The following AFAP1L1 variants were observed in gnomAD, a reference collection of about 807,000 sequenced individuals.
AFAP1L1 encodes the protein actin filament-associated protein 1-like 1.
A neutral mutation model predicts 99.8 loss-of-function variants in AFAP1L1; 77 were observed. The observed-to-expected ratio is 0.77, with a 90% CI of 0.64 to 0.93. AFAP1L1 has a LOEUF of 0.93. AFAP1L1 is among the 40% of genes least tolerant of loss of function. The probability of loss-of-function intolerance (pLI) is 0.00; values close to 1 mark genes in which losing one functional copy is unlikely to be tolerated. For missense variants in AFAP1L1, 893 were observed against 996.8 expected, an observed-to-expected ratio of 0.90 and a Z score of 1.40; for synonymous variants, 373 against 395.3, an observed-to-expected ratio of 0.94 and a Z score of 0.67.
intron 8 of AFAP1L1, 38 bp downstream of exon 8, chr5:149,310,173 C>A: frequency 6.5e-7 from 1 of 1,534,214 alleles, no homozygotes; most frequent in East Asian, 2.3e-5. Flanking sequence ...CCTTCTCACC[C>A]TTTCTCTCTT....
At position 149,343,018 on chromosome 5, in the gene AFAP1L1, T is replaced by C. The variant is rs1468075752; in HGVS notation, c.*2988T>C. On this transcript the variant is annotated 3_prime_UTR_variant, in exon 19 of 19. Coordinates refer to ENST00000296721, the MANE Select transcript of AFAP1L1 (RefSeq NM_152406.4). ...CTGTCAGAATTCTACTGTCACTGTT[T>C]CCTTATTGCGGGATCTTGCATAGGT... 6.6e-6 allele frequency among the ~76,000 whole-genome samples: 1 copy of C among 152,206 alleles called. No homozygotes were observed. The highest frequency in any genetic ancestry group is 1.5e-5 in the Non-Finnish European group (1 of 68,032).
chr5:149,304,156 A>C (rs1174575766), intron 5 of AFAP1L1: 1 of 152,192 alleles, frequency 6.6e-6, no homozygotes, highest in Non-Finnish European at 1.5e-5. Flanking sequence ...TCTTTCACTT[A>C]GCATGTTTTC....
rs1230325697 is a variant in AFAP1L1 at position 149,271,879 on chromosome 5, C to G, written c.-90C>G. On this transcript the variant is annotated 5_prime_UTR_variant, in exon 1 of 19. Coordinates refer to ENST00000296721, the MANE Select transcript of AFAP1L1 (RefSeq NM_152406.4). ...ACCGCAGAGAGCGCCGGCCGCTGGG[C>G]TGGCCTGAGAGCGCAGCGCGCCGGC... The G allele has an allele frequency of 9.7e-7, 1 of 1,029,544 alleles. No homozygotes were observed. The highest frequency in any genetic ancestry group is 1.7e-5 in the African/African-American group (1 of 59,176). The allele number at this position is 1,029,544 out of a possible 1,614,324, so 63.8% of individuals were successfully genotyped here. A position where few individuals can be genotyped will look rare whatever the true frequency, so the allele number is the denominator to read the frequency against.
chr5:149,315,529 C>T (rs1202877152), intron 9 of AFAP1L1: 2 of 363,230 alleles, frequency 5.5e-6, no homozygotes, highest in Non-Finnish European at 5.2e-6. Flanking sequence ...TCCCAGCTCC[C>T]TGTCACCTGC....
intron 1 of AFAP1L1, among the ~76,000 whole-genome samples, chr5:149,296,093 GCA>G (rs1209544646): frequency 6.6e-6 from 1 of 152,086 alleles, no homozygotes; most frequent in African/African-American, 2.4e-5. Flanking sequence ...AAATGCAGTG[GCA>G]CAGTCACGAC....
intron 5 of AFAP1L1, among the ~76,000 whole-genome samples, chr5:149,304,877 C>A (rs1183410621): frequency 1.3e-5 from 2 of 152,184 alleles, no homozygotes; most frequent in Non-Finnish European, 2.9e-5. Context: ...AACAGATGCA[C>A]AGGAGGGGCT....
intron 1 of AFAP1L1, among the ~76,000 whole-genome samples, chr5:149,274,616 C>T (rs969156215): frequency 2.0e-5 from 3 of 152,204 alleles, no homozygotes; most frequent in Admixed American, 6.5e-5. Flanking sequence ...CAGTGGCTCA[C>T]GCCCATAACC....
At position 149,319,728 on chromosome 5, in the gene AFAP1L1, G is replaced by GT. The variant is rs1756900387; in HGVS notation, c.1625+2dup. ...TCAGTGCTGGGCGCAACTCCTTCCT[G>GT]TAAGTGTCAGCTGCACTGGCCACAC... On this transcript the variant is annotated splice_donor_variant, in intron 13 of 18. Transcript: ENST00000296721. LOFTEE classifies it high-confidence loss of function. 2 of 1,611,388 alleles carry GT rather than the reference G, an allele frequency of 1.2e-6. No homozygotes were observed. Among genetic ancestry groups the GT allele is most frequent in the Admixed American group, 3.3e-5 (2 of 59,926 alleles).
At chr5:149,337,300 G>C (rs1757431556) in intron 18 of AFAP1L1, among the ~76,000 whole-genome samples, 1 of 152,012 alleles carries the variant, frequency 6.6e-6, no homozygotes, top group East Asian at 1.9e-4. Context: ...ACTTTTTACT[G>C]TTCTCACCAC....
chr5:149,315,928 G>A lies in AFAP1L1; in HGVS notation c.1114+14G>A, dbSNP rs1298947699. ...CCTGTGATCACGGTAGGAGCCTCTG[G>A]GGGCTCAGGCTGGGGAATGCTGGAA... On this transcript the variant is annotated intron_variant, in intron 10 of 18. Transcript: ENST00000296721. The A allele has an allele frequency of 3.7e-6, 6 of 1,613,936 alleles. No homozygotes were observed. The highest frequency in any genetic ancestry group is 5.1e-6 in the Non-Finnish European group (6 of 1,179,888).
intron 7 of AFAP1L1, among the ~76,000 whole-genome samples, chr5:149,308,932 CAAA>C (rs1354000424): frequency 8.4e-6 from 1 of 118,526 alleles, no homozygotes; most frequent in Non-Finnish European, 1.8e-5. Context: ...CCGTCTCTAC[CAAA>C]AAAAAAAAAA....
intron 7 of AFAP1L1, among the ~76,000 whole-genome samples, chr5:149,307,884 G>A (rs532102752): frequency 1.6e-5 from 2 of 127,096 alleles, no homozygotes; most frequent in Non-Finnish European, 3.2e-5. Context: ...GGCTAGGCAC[G>A]GTGGCTCACA....
rs778850002 is a variant in AFAP1L1, at chr5:149,322,650, C to T, written c.1743C>T (p.His581=). ...CCACAGGGGCCCAGGTGAAGCGTCA[C>T]GCCTCCTCCTGCAGTGAGAAGTCCC... is the stretch of plus-strand genomic sequence containing the variant. ...ERPTGAQVKR[H]ASSCSEKSHR... The change falls in exon 15 of 19, where the codon CAC becomes CAT. Residue 581 remains histidine (H), a synonymous_variant. Transcript: ENST00000296721. 9 of 1,593,008 alleles carry T rather than the reference C, an allele frequency of 5.6e-6. No homozygotes were observed. The highest frequency in any genetic ancestry group is 1.7e-5 in the Admixed American group (1 of 57,544).
At chr5:149,311,096 G>A (rs571411057) in intron 8 of AFAP1L1, among the ~76,000 whole-genome samples, 70 of 152,102 alleles carry the variant, frequency 4.6e-4, no homozygotes, top group African/African-American at 1.3e-3. Context: ...TCCTTGCACC[G>A]CCTCTACTTC....
chr5:149,279,631 TG>T (rs751940429), intron 1 of AFAP1L1, among the ~76,000 whole-genome samples: 1 of 152,244 alleles, frequency 6.6e-6, no homozygotes, highest in Non-Finnish European at 1.5e-5. Context: ...AACCCTTCAG[TG>T]GTTTCTCATT....
chr5:149,312,257 C>A, intron 9 of AFAP1L1, 53 bp downstream of exon 9: 1 of 1,556,196 alleles, frequency 6.4e-7, no homozygotes, highest in Non-Finnish European at 8.9e-7. Context: ...CCACTCAACA[C>A]GGGCTCAACC....
rs985090130 is a variant in AFAP1L1 at position 149,320,256 on chromosome 5, C to T, written c.1626-135C>T. ...ACAGCCCATGACACAATGCTGCCTG[C>T]CATCTTGCTTTTACCAATCTTCTGA... On this transcript the variant is annotated intron_variant, in intron 13 of 18. Coordinates refer to ENST00000296721, the MANE Select transcript of AFAP1L1 (RefSeq NM_152406.4). The surrounding 1 kb of genome is among the most constrained non-coding windows in gnomAD (Gnocchi z 4.0). 2 of 787,074 alleles carry T rather than the reference C, an allele frequency of 2.5e-6. No individual in the cohort carries two copies. The highest frequency in any genetic ancestry group is 4.2e-6 in the Non-Finnish European group (2 of 474,012). 48.8% of individuals were successfully genotyped at this position (787,074 alleles called of 1,614,324 possible). A position where few individuals can be genotyped will look rare whatever the true frequency, so the allele number is the denominator to read the frequency against.
intron 1 of AFAP1L1, among the ~76,000 whole-genome samples, chr5:149,274,831 G>A (rs146760261): frequency 0.024 from 3,588 of 149,962 alleles, 76 homozygotes; most frequent in African/African-American, 0.059. Flanking sequence ...GTTGCAGTGA[G>A]CCGAGATCGA....
At chr5:149,312,073 C>G (rs777964772) in intron 8 of AFAP1L1, 39 bp from the exon 9 acceptor site, 1 of 1,584,914 alleles carries the variant, frequency 6.3e-7, no homozygotes, top group Admixed American at 1.7e-5. Context: ...TCAACAGCTT[C>G]CCTGCCCACC....
Sources: gnomAD v4.1 joint callset for allele counts (sites outside exome capture counted in the v4.1 genomes callset) on GRCh38, gnomAD v4.1.1 for gene constraint, Gnocchi (gnomAD v3.1) non-coding constraint, MANE v1.5 for transcripts, NCBI Gene and HGNC (gene_info 2026-07-23, HGNC 2026-07-21) for gene names.